The following FOXP2 variants were observed in gnomAD, a reference collection of about 807,000 sequenced individuals.
FOXP2 encodes the protein forkhead box P2, also known as forkhead box protein P2.
Under a neutral mutation model 115.8 loss-of-function variants are expected in FOXP2, and 12 were observed. The observed-to-expected ratio is 0.10, with a 90% CI of 0.07 to 0.17. The LOEUF (loss-of-function observed/expected upper bound fraction) is 0.17, where lower values mean the gene tolerates loss of function less well. FOXP2 is among the 10% of genes least tolerant of loss of function. The probability of loss-of-function intolerance (pLI) is 1.00; values close to 1 mark genes in which losing one functional copy is unlikely to be tolerated. For synonymous variants in FOXP2, 328 were observed against 297.7 expected (o/e 1.10, Z -1.05); for missense variants, 629 against 843.5 (o/e 0.75, Z 3.15).
chr7:114,088,671 A>G (rs1414121481), intron 1 of FOXP2, among the ~76,000 whole-genome samples: 1 of 152,222 alleles, frequency 6.6e-6, no homozygotes, highest in Non-Finnish European at 1.5e-5. Context: ...AGTTATTTTC[A>G]TCTTCAAGTT....
chr7:114,529,424 T>G (rs2129274427), intron 2 of FOXP2, among the ~76,000 whole-genome samples: 1 of 151,992 alleles, frequency 6.6e-6, no homozygotes, highest in Middle Eastern at 3.4e-3. Flanking sequence ...CTCTACATCA[T>G]AAGATATTTG....
intron 2 of FOXP2, among the ~76,000 whole-genome samples, chr7:114,387,545 G>A (rs910761390): frequency 3.9e-5 from 6 of 152,024 alleles, no homozygotes; most frequent in African/African-American, 1.2e-4. Flanking sequence ...GAGGAGATTT[G>A]GCCAAATAAG....
chr7:114,661,598 G>A lies in FOXP2; in HGVS notation c.1648-467G>A, dbSNP rs575428092. ...CATTTCATTATTATAGGGATGAAAA[G>A]AATGCCTTTGAGCTTATTTGCATAA... On this transcript the variant is annotated intron_variant, in intron 13 of 16. Transcript: ENST00000350908. 2.6e-5 allele frequency among the ~76,000 whole-genome samples: 4 copies of A among 152,172 alleles called. No homozygotes were observed. The South Asian group carries it at 8.3e-4, about 32-fold the overall frequency.
chr7:114,116,406 C>G (rs995967370), intron 1 of FOXP2, among the ~76,000 whole-genome samples: 2 of 151,814 alleles, frequency 1.3e-5, no homozygotes, highest in African/African-American at 4.8e-5. Flanking sequence ...AAAAGACAAG[C>G]ACAAAATAAT....
rs531327683 is a variant in FOXP2, at chr7:114,338,716, A to G, written c.-11+50607A>G. Among the ~76,000 whole-genome samples the G allele has an allele frequency of 4.0e-5, 6 of 149,632 alleles. No individual in the cohort carries two copies. In the East Asian group the frequency reaches 1.2e-3, roughly 29 times the overall value. On this transcript the variant is annotated intron_variant, in intron 2 of 17. Transcript: ENST00000634411. ...AAGAGTGTAGTCTGATCAAATCACA[A>G]AAATACAAAAACTGAGTTCTTGTCA...
At chr7:114,551,179 G>A (rs1038729857) in intron 3 of FOXP2, among the ~76,000 whole-genome samples, 1 of 152,246 alleles carries the variant, frequency 6.6e-6, no homozygotes, top group Non-Finnish European at 1.5e-5. Context: ...CTGTTTTACA[G>A]TATTTCCATG....
chr7:114,338,052 A>G lies in FOXP2; in HGVS notation c.-11+49943A>G, dbSNP rs561964976. On this transcript the variant is annotated intron_variant, in intron 2 of 17. Coordinates refer to the FOXP2 transcript ENST00000634411. ...TGGAATATGTAGAGGCCTATTATAT[A>G]TTTTGAGTGTTATTAATGATAGCAT... Among the ~76,000 whole-genome samples, 3 of 151,326 alleles carry G rather than the reference A, an allele frequency of 2.0e-5. No homozygotes were observed. In the South Asian group the frequency reaches 6.2e-4, roughly 31 times the overall value.
chr7:114,417,048 G>A (rs962269236), intron 1 of FOXP2, among the ~76,000 whole-genome samples: 2 of 151,930 alleles, frequency 1.3e-5, no homozygotes, highest in African/African-American at 4.8e-5. Context: ...AGGCAAGTAA[G>A]GCATGGTATT....
intron 1 of FOXP2, among the ~76,000 whole-genome samples, chr7:114,250,637 C>T (rs532275884): frequency 1.5e-4 from 23 of 152,112 alleles, no homozygotes; most frequent in African/African-American, 3.1e-4. Context: ...GCCCACTTTT[C>T]GATGGGATTG....
rs1482681710 is a variant in FOXP2, at chr7:114,117,115, T to G, written c.-247+29277T>G. 2.0e-5 allele frequency among the ~76,000 whole-genome samples: 3 copies of G among 152,104 alleles called. No individual in the cohort carries two copies. In the East Asian group the frequency reaches 5.8e-4, roughly 29 times the overall value. On this transcript the variant is annotated intron_variant, in intron 1 of 19. Coordinates refer to the FOXP2 transcript ENST00000635638. ...AAAAATTTTACTTTGATTTAGTAAA[T>G]GTAGACTCTACCTGGAGGCAGATTA...
chr7:114,474,070 A>T (rs1189131579), intron 2 of FOXP2, among the ~76,000 whole-genome samples: 1 of 152,168 alleles, frequency 6.6e-6, no homozygotes. Context: ...TTCATGTCTT[A>T]AAAACATAAG....
At chr7:114,216,862 T>C (rs986859265) in intron 1 of FOXP2, among the ~76,000 whole-genome samples, 20 of 152,210 alleles carry the variant, frequency 1.3e-4, no homozygotes, top group African/African-American at 4.8e-4. Context: ...TCTGGTTTTA[T>C]CCAAATTTCT....
chr7:114,233,215 A>G (rs1794928552), intron 1 of FOXP2, among the ~76,000 whole-genome samples: 2 of 152,214 alleles, frequency 1.3e-5, no homozygotes, highest in Non-Finnish European at 2.9e-5. Flanking sequence ...CTCCATATAG[A>G]TAGTATTAAC....
chr7:114,335,768 C>T (rs1285270136), intron 2 of FOXP2, among the ~76,000 whole-genome samples: 3 of 151,478 alleles, frequency 2.0e-5, no homozygotes, highest in African/African-American at 7.3e-5. Context: ...ATTTCAACTA[C>T]CATTATTTAT....
chr7:114,446,288 C>A (rs1415741440), intron 2 of FOXP2, among the ~76,000 whole-genome samples: 1 of 151,900 alleles, frequency 6.6e-6, no homozygotes, highest in African/African-American at 2.4e-5. Context: ...CTCTGAGTTA[C>A]TTCTTATAAT....
At chr7:114,102,709 C>T (rs1415117431) in intron 1 of FOXP2, among the ~76,000 whole-genome samples, 1 of 150,458 alleles carries the variant, frequency 6.6e-6, no homozygotes, top group Non-Finnish European at 1.5e-5. Flanking sequence ...CACACACACA[C>T]ACACACACAC....
At chr7:114,098,738 C>G (rs6954051) in intron 1 of FOXP2, among the ~76,000 whole-genome samples, 148,639 of 152,316 alleles carry the variant, frequency 0.98, 72,635 homozygotes, top group East Asian at 1. Context: ...AAAAGCTTTT[C>G]CACAGCAAAG....
rs35525759 is a variant in FOXP2 at position 114,678,547 on chromosome 7, CTTTTTTTTT to C, written c.2004-11217_2004-11209del. On this transcript the variant is annotated intron_variant, in intron 16 of 16. Coordinates refer to ENST00000350908, the MANE Select transcript of FOXP2 (RefSeq NM_014491.4). ...TACTTCTCTCCGGAAATAAGTGACT[CTTTTTTTTT>C]TTTTTTTTTTTTTTTTTGCTTGAGA... Among the ~76,000 whole-genome samples, 21 of 48,410 alleles carry C rather than the reference CTTTTTTTTT, an allele frequency of 4.3e-4. No homozygotes were observed. In the South Asian group the frequency reaches 0.014, roughly 32 times the overall value. The allele number at this position is 48,410 out of a possible 152,430, so 31.8% of individuals were successfully genotyped here.
intron 3 of FOXP2, among the ~76,000 whole-genome samples, chr7:114,627,057 T>C (rs1804629980): frequency 6.6e-6 from 1 of 151,922 alleles, no homozygotes; most frequent in Non-Finnish European, 1.5e-5. Flanking sequence ...AAGACATTGC[T>C]ATTTTTCAGT....
Sources: gnomAD v4.1 joint callset for allele counts (sites outside exome capture counted in the v4.1 genomes callset) on GRCh38, gnomAD v4.1.1 for gene constraint, MANE v1.5 for transcripts, NCBI Gene and HGNC (gene_info 2026-07-23, HGNC 2026-07-21) for gene names.